The following APTX variants were observed in gnomAD, a reference collection of about 807,000 sequenced individuals.
APTX encodes forkhead-associated domain histidine triad-like protein.
Under a neutral mutation model 42.3 loss-of-function variants are expected in APTX, and 33 were observed. The ratio of observed to expected loss-of-function variants is 0.78; its 90% CI spans 0.59 to 1.04. The LOEUF (loss-of-function observed/expected upper bound fraction) is 1.04, where lower values mean the gene tolerates loss of function less well. Ranked by LOEUF, APTX falls within the 50% of genes least tolerant of loss-of-function variation. The pLI is 0.00. For missense variants in APTX, 421 were observed against 415.1 expected, an observed-to-expected ratio of 1.01 and a Z score of -0.12; for synonymous variants, 130 against 146.7, an observed-to-expected ratio of 0.89 and a Z score of 0.82.
intron 6 of APTX, among the ~76,000 whole-genome samples, chr9:32,981,237 A>T (rs2118562124): frequency 6.6e-6 from 1 of 152,358 alleles, no homozygotes; most frequent in East Asian, 1.9e-4. Context: ...GGACTGAACA[A>T]GTAAATGAAT....
chr9:33,010,128 TG>T (rs1194126503), intron 1 of APTX, among the ~76,000 whole-genome samples: 1 of 152,166 alleles, frequency 6.6e-6, no homozygotes. Flanking sequence ...TTACGGTATC[TG>T]GGCCCTCAAT....
chr9:33,023,281 C>T (rs1168281156), intron 1 of APTX, among the ~76,000 whole-genome samples: 1 of 151,376 alleles, frequency 6.6e-6, no homozygotes, highest in East Asian at 1.9e-4. Context: ...TGGAGTATAG[C>T]GGCACCATCT....
At chr9:32,974,356 T>A in intron 7 of APTX, 102 bp downstream of exon 7, 1 of 792,774 alleles carries the variant, frequency 1.3e-6, no homozygotes, top group Non-Finnish European at 2.2e-6. Context: ...AAGTTGTACA[T>A]AGGTTTTTGA....
At chr9:32,974,879 C>CAAAT (rs1563945705) in intron 6 of APTX, among the ~76,000 whole-genome samples, 1 of 151,668 alleles carries the variant, frequency 6.6e-6, no homozygotes, top group East Asian at 1.9e-4. Flanking sequence ...AATAAGCAAA[C>CAAAT]AAATAAACAA....
At chr9:33,019,090 C>G (rs1838150988) in intron 1 of APTX, among the ~76,000 whole-genome samples, 2 of 152,120 alleles carry the variant, frequency 1.3e-5, no homozygotes, top group South Asian at 4.1e-4. Context: ...AACGTTGATT[C>G]ATTAGTTGTG....
At chr9:32,997,950 G>C (rs1835345943) in intron 1 of APTX, among the ~76,000 whole-genome samples, 1 of 152,132 alleles carries the variant, frequency 6.6e-6, no homozygotes. Flanking sequence ...AAAGATATGG[G>C]GGAACAGGCC....
chr9:32,979,455 T>A (rs894129810), intron 6 of APTX: 1 of 152,410 alleles, frequency 6.6e-6, no homozygotes, highest in African/African-American at 2.4e-5. Flanking sequence ...CGGGCATCAA[T>A]CATGGTTGAT....
intron 1 of APTX, chr9:33,024,978 G>T (rs1038914676): frequency 6.6e-6 from 1 of 152,406 alleles, no homozygotes; most frequent in Admixed American, 6.5e-5. Context: ...CACCCCACAG[G>T]TTTGGGAACC....
At position 32,989,846 on chromosome 9, in the gene APTX, G is replaced by A. The variant is rs1015321377; in HGVS notation, c.46C>T (p.Arg16Ter). 18 of 1,614,076 alleles carry A rather than the reference G, an allele frequency of 1.1e-5. No individual in the cohort carries two copies. Among genetic ancestry groups the A allele is most frequent in the African/African-American group, 2.7e-5 (2 of 74,896 alleles). ...GCTTCCAAATGTGGAAGTCTGATTC[G>A]CTGGTGCCGGCTGTCCTGTCTCACC... ...WLVRQDSRHQ[R>*]IRLPHLEAVV... The change falls in exon 2 of 8, where the codon CGA (arginine) becomes TGA (stop). Residue 16 changes from arginine (R) to a stop codon, truncating the protein, a stop_gained. Transcript: ENST00000379817. LOFTEE classifies it high-confidence loss of function.
chr9:33,022,661 T>C (rs533766452), intron 1 of APTX, among the ~76,000 whole-genome samples: 88 of 152,250 alleles, frequency 5.8e-4, no homozygotes, highest in African/African-American at 2.0e-3. Context: ...ACTACGCCAT[T>C]AAAAATAACA....
chr9:32,984,799 T>C lies in APTX; in HGVS notation c.602A>G (p.His201Arg), dbSNP rs121908133. 6.2e-7 allele frequency: 1 copy of C among 1,614,044 alleles called. No individual in the cohort carries two copies. Among genetic ancestry groups the C allele is most frequent in the East Asian group, 2.2e-5 (1 of 44,904 alleles). ...GGAGGTCCACGGTAAGACCAGCCAA[T>C]GGTAACGGGCCTTTGGGTATTTATC... ...IKDKYPKARYHWLVLPWTSIS... is the reference protein window; with the variant it reads ...IKDKYPKARYRWLVLPWTSIS... The change falls in exon 6 of 8, where the codon CAT (histidine) becomes CGT (arginine). Residue 201 changes from histidine to arginine, a missense_variant. Physicochemically the swap from His to Arg is conservative, Grantham distance 29. Coordinates refer to ENST00000379817, the MANE Select transcript of APTX (RefSeq NM_001195248.2).
Position 32,987,540 on chromosome 9 carries a change from T to C in APTX, c.483+4A>G. ...ACATCATCTACCAATCACACTACCC[T>C]CACCTTTTTGATAGGTGCATCTTTT... On this transcript the variant is annotated splice_donor_region_variant and intron_variant, in intron 4 of 7. Coordinates refer to ENST00000379817, the MANE Select transcript of APTX (RefSeq NM_001195248.2). 3 of 1,613,602 alleles carry C rather than the reference T, an allele frequency of 1.9e-6. No individual in the cohort carries two copies. Among genetic ancestry groups the C allele is most frequent in the Non-Finnish European group, 8.5e-7 (1 of 1,180,028 alleles).
chr9:33,010,549 G>A lies in APTX; in HGVS notation c.-5+14474C>T, dbSNP rs367619708. 2.2e-3 allele frequency among the ~76,000 whole-genome samples: 340 copies of A among 151,272 alleles called. 1 individual carries two copies. Among genetic ancestry groups the A allele is most frequent in the African/African-American group, 7.9e-3 (327 of 41,192 alleles). ...AGCCTGGTCAACATGGTGAAACCCC[G>A]TCCCTACTAAATATACAAAAATTAG... On this transcript the variant is annotated intron_variant, in intron 1 of 6. Transcript: ENST00000436040.
chr9:33,020,962 C>G (rs987258583), intron 1 of APTX, among the ~76,000 whole-genome samples: 2 of 152,088 alleles, frequency 1.3e-5, no homozygotes, highest in Non-Finnish European at 2.9e-5. Context: ...AACCCTGTCT[C>G]TACTAAAAAA....
intron 4 of APTX, 150 bp downstream of exon 4, chr9:32,987,393 TC>T (rs1832446560): frequency 7.1e-6 from 8 of 1,121,282 alleles, no homozygotes; most frequent in Admixed American, 2.0e-5. Flanking sequence ...GGAACATTCA[TC>T]CAAATGATTT....
intron 2 of APTX, among the ~76,000 whole-genome samples, chr9:32,988,976 G>C (rs1001617563): frequency 2.0e-5 from 3 of 152,162 alleles, no homozygotes; most frequent in African/African-American, 7.2e-5. Context: ...GGTATCTGGA[G>C]TTGAGACAGG....
At chr9:33,013,519 A>G (rs570642458) in intron 1 of APTX, among the ~76,000 whole-genome samples, 1 of 152,354 alleles carries the variant, frequency 6.6e-6, no homozygotes, top group East Asian at 1.9e-4. Flanking sequence ...GAAGCTGCTC[A>G]TGGAGAGCCA....
upstream of APTX, among the ~76,000 whole-genome samples, chr9:33,003,794 T>C (rs528946526): frequency 1.2e-3 from 177 of 152,274 alleles, no homozygotes; most frequent in Non-Finnish European, 2.0e-3. Context: ...TTTCACTTAA[T>C]ATAATGTCCT....
intron 6 of APTX, among the ~76,000 whole-genome samples, chr9:32,980,655 G>T (rs1830484954): frequency 6.6e-6 from 1 of 152,210 alleles, no homozygotes; most frequent in African/African-American, 2.4e-5. Context: ...AGCAGTCTAG[G>T]CCAGAAAATC....
Sources: allele counts gnomAD v4.1 joint callset (sites outside exome capture counted in the v4.1 genomes callset), GRCh38; gene constraint gnomAD v4.1.1; transcripts MANE v1.5; gene names NCBI Gene and HGNC (gene_info 2026-07-23, HGNC 2026-07-21).